Variants in GRM5 observed in about 807,000 individuals in gnomAD.
The protein encoded by GRM5 is metabotropic glutamate receptor 5.
Under a neutral mutation model 83.1 loss-of-function variants are expected in GRM5, and 19 were observed. The ratio of observed to expected loss-of-function variants is 0.23; its 90% confidence interval spans 0.16 to 0.34. GRM5 has a LOEUF of 0.34. Among genes scored for constraint, GRM5 ranks in the 10% least tolerant of loss-of-function variants. GRM5 has a pLI of 1.00. For missense variants in GRM5, 1,160 were observed against 1,588.3 expected (o/e 0.73, Z 4.58); for synonymous variants, 675 against 633.6 (o/e 1.07, Z -0.98).
At position 88,508,936 on chromosome 11, in the gene GRM5, T is replaced by A; in HGVS notation, c.3295A>T (p.Ile1099Phe). 1 of 1,599,476 alleles carries A rather than the reference T, an allele frequency of 6.3e-7. No individual in the cohort carries two copies. ...GTGGGCAACTGGATCTCTTTGGGGATCAGGTAGGACGAGCAGAGCGGGGCG... is the reference window on the plus strand; with the variant it reads ...GTGGGCAACTGGATCTCTTTGGGGAACAGGTAGGACGAGCAGAGCGGGGCG... ...VGAPLCSSYLIPKEIQLPTTM... is the reference protein window; with the variant it reads ...VGAPLCSSYLFPKEIQLPTTM... The change falls in exon 10 of 10, where the codon ATC (isoleucine) becomes TTC (phenylalanine). Residue 1099 changes from isoleucine to phenylalanine, a missense_variant. Physicochemically the swap from Ile to Phe is conservative, Grantham distance 21 (BLOSUM62 0). This residue lies in a region of GRM5 where 562 missense variants were observed against 532.4 expected (regional missense o/e 1.06). Coordinates refer to ENST00000305447, the MANE Select transcript of GRM5 (RefSeq NM_001143831.3). The surrounding 1 kb of genome is among the most constrained non-coding windows in gnomAD (Gnocchi z 4.2).
At chr11:88,924,221 G>T (rs1224479231) in intron 2 of GRM5, among the ~76,000 whole-genome samples, 2 of 146,334 alleles carry the variant, frequency 1.4e-5, no homozygotes, top group Non-Finnish European at 3.0e-5. Context: ...ATGTAAATTG[G>T]TACAACCATT....
intron 3 of GRM5, among the ~76,000 whole-genome samples, chr11:88,832,735 C>A (rs1944017841): frequency 6.6e-6 from 1 of 151,960 alleles, no homozygotes; most frequent in Non-Finnish European, 1.5e-5. Flanking sequence ...AATATAGTGA[C>A]CAAAACAATA....
At chr11:88,524,939 T>G (rs540616346) in intron 9 of GRM5, among the ~76,000 whole-genome samples, 1 of 152,352 alleles carries the variant, frequency 6.6e-6, no homozygotes, top group Admixed American at 6.5e-5. Flanking sequence ...GCTTTGTATT[T>G]GTTTTATTAA....
chr11:89,041,062 C>G (rs1207449932), intron 2 of GRM5, among the ~76,000 whole-genome samples: 1 of 152,194 alleles, frequency 6.6e-6, no homozygotes, highest in Non-Finnish European at 1.5e-5. Context: ...TGGCTGAACA[C>G]TATAAACCTA....
intron 3 of GRM5, among the ~76,000 whole-genome samples, chr11:88,743,012 C>A (rs1161070002): frequency 6.6e-6 from 1 of 152,110 alleles, no homozygotes; most frequent in Admixed American, 6.6e-5. Flanking sequence ...ATTCTATCAA[C>A]TTCTGAAAAG....
At chr11:88,962,293 T>C (rs1370015668) in intron 2 of GRM5, among the ~76,000 whole-genome samples, 9 of 152,146 alleles carry the variant, frequency 5.9e-5, no homozygotes, top group Admixed American at 5.9e-4. Context: ...ATATCCACTC[T>C]TCCATCCACA....
chr11:89,053,916 C>T (rs1464871457), intron 1 of GRM5, among the ~76,000 whole-genome samples: 3 of 152,030 alleles, frequency 2.0e-5, no homozygotes, highest in Non-Finnish European at 4.4e-5. Flanking sequence ...TGAGGAGTAG[C>T]AAACAGCCTC....
Position 88,570,550 on chromosome 11 carries a change from AATAT to A in GRM5, c.1691-2562_1691-2559del, listed in dbSNP as rs199551301. Among the ~76,000 whole-genome samples, 259 of 71,942 alleles carry A rather than the reference AATAT, an allele frequency of 3.6e-3. 12 individuals carry two copies. The highest frequency in any genetic ancestry group is 0.016 in the African/African-American group (193 of 12,244). The allele number at this position is 71,942 out of a possible 152,430, so 47.2% of individuals were successfully genotyped here. A position where few individuals can be genotyped will look rare whatever the true frequency, so the allele number is the denominator to read the frequency against. ...CTGTTTTACCAAAAAAAGTATTAAT[AATAT>A]ATATATATATATATATATTTTTTTT... On this transcript the variant is annotated intron_variant, in intron 7 of 9. Transcript: ENST00000305447.
chr11:88,775,651 A>C (rs959367751), intron 3 of GRM5, among the ~76,000 whole-genome samples: 1 of 152,104 alleles, frequency 6.6e-6, no homozygotes, highest in Admixed American at 6.6e-5. Flanking sequence ...CTTTGTTCTC[A>C]TTGGTTTCAA....
chr11:88,564,961 T>C (rs1433934137), intron 8 of GRM5, among the ~76,000 whole-genome samples: 1 of 152,112 alleles, frequency 6.6e-6, no homozygotes, highest in African/African-American at 2.4e-5. Flanking sequence ...GTGTATTGGG[T>C]ACAGTAACTT....
At position 88,746,986 on chromosome 11, in the gene GRM5, A is replaced by G. The variant is rs913779816; in HGVS notation, c.912-93583T>C. Among the ~76,000 whole-genome samples the G allele has an allele frequency of 7.9e-5, 12 of 152,152 alleles. 1 individual carries two copies. Among genetic ancestry groups the G allele is most frequent in the Admixed American group, 6.6e-4 (10 of 15,252 alleles). The stretch of plus-strand genomic sequence containing the variant: ...AACAGAATTTTTAAAAATGTCATAT[A>G]TTATTTTTTACTTTGAAATGAACAA... On this transcript the variant is annotated intron_variant, in intron 3 of 9. Transcript: ENST00000305447.
chr11:88,716,151 G>A (rs1201180319), intron 3 of GRM5, among the ~76,000 whole-genome samples: 1 of 151,974 alleles, frequency 6.6e-6, no homozygotes, highest in East Asian at 1.9e-4. Flanking sequence ...AAGGTCAAGG[G>A]CAGCTTGGGC....
intron 3 of GRM5, among the ~76,000 whole-genome samples, chr11:88,693,558 G>A (rs1371520893): frequency 6.6e-6 from 1 of 152,108 alleles, no homozygotes; most frequent in African/African-American, 2.4e-5. Context: ...ATGTCAAATG[G>A]GTTTGCTGAA....
At chr11:89,016,050 G>T (rs1428132502) in intron 2 of GRM5, among the ~76,000 whole-genome samples, 1 of 151,960 alleles carries the variant, frequency 6.6e-6, no homozygotes, top group Non-Finnish European at 1.5e-5. Context: ...GGAAAGAGAA[G>T]ATATCAGTGA....
chr11:88,673,816 G>A (rs559533348), intron 3 of GRM5, among the ~76,000 whole-genome samples: 4 of 151,514 alleles, frequency 2.6e-5, no homozygotes, highest in East Asian at 1.9e-4. Flanking sequence ...CAAGAGAAGC[G>A]TAGAGAAACA....
At chr11:88,954,421 GTTA>G (rs1220681880) in intron 2 of GRM5, among the ~76,000 whole-genome samples, 2 of 152,042 alleles carry the variant, frequency 1.3e-5, no homozygotes, top group African/African-American at 2.4e-5. Context: ...TAAAGTGAAT[GTTA>G]TTATTCTTAT....
At chr11:88,673,250 G>C (rs1379535585) in intron 3 of GRM5, among the ~76,000 whole-genome samples, 1 of 151,834 alleles carries the variant, frequency 6.6e-6, no homozygotes, top group African/African-American at 2.4e-5. Flanking sequence ...GGAAAATAAG[G>C]AACTGAAGTA....
intron 2 of GRM5, chr11:88,984,560 T>A: frequency 2.2e-6 from 1 of 448,648 alleles, no homozygotes; most frequent in South Asian, 5.9e-5. Context: ...ATGTATATTA[T>A]GCAGCTAATT....
intron 4 of GRM5, among the ~76,000 whole-genome samples, chr11:88,606,477 T>C (rs918590767): frequency 6.6e-6 from 1 of 152,084 alleles, no homozygotes; most frequent in Admixed American, 6.5e-5. Flanking sequence ...GATGGCGCCA[T>C]TGCACTCCAG....
Sources: gnomAD v4.1 joint callset for allele counts (sites outside exome capture counted in the v4.1 genomes callset) on GRCh38, gnomAD v4.1.1 for gene constraint, gnomAD v4.1.1 regional missense constraint, Gnocchi (gnomAD v3.1) non-coding constraint, MANE v1.5 for transcripts, NCBI Gene and HGNC (gene_info 2026-07-23, HGNC 2026-07-21) for gene names.